The following DGKG variants were observed in gnomAD, a reference collection of about 807,000 sequenced individuals.
DGKG encodes the protein DAG kinase gamma.
A neutral mutation model predicts 105.3 loss-of-function variants in DGKG; 78 were observed. The observed-to-expected ratio is 0.74, with a 90% CI of 0.62 to 0.89. The LOEUF is 0.89. DGKG is among the 40% of genes least tolerant of loss of function. DGKG has a pLI of 0.00. For synonymous variants in DGKG, 346 were observed against 367.1 expected (o/e 0.94, Z 0.66); for missense variants, 958 against 1,020.1 (o/e 0.94, Z 0.83).
Position 186,210,390 on chromosome 3 carries a change from AGAG to A in DGKG, c.1917+1402_1917+1404del, listed in dbSNP as rs1403319006. 6.6e-6 allele frequency among the ~76,000 whole-genome samples: 1 copy of A among 152,172 alleles called. No homozygotes were observed. Among genetic ancestry groups the A allele is most frequent in the Non-Finnish European group, 1.5e-5 (1 of 68,034 alleles). ...CCCAGCACTGCGTTCACACGTCAAGAGAGGAGGACCGGCTTCTCAGACTCCCTG... is the reference window on the plus strand; with the variant it reads ...CCCAGCACTGCGTTCACACGTCAAGAGAGGACCGGCTTCTCAGACTCCCTG... On this transcript the variant is annotated intron_variant, in intron 21 of 24. Transcript: ENST00000265022. The surrounding 1 kb of genome is among the most constrained non-coding windows in gnomAD (Gnocchi z 5.2).
intron 1 of DGKG, among the ~76,000 whole-genome samples, chr3:186,330,182 A>G (rs1725536585): frequency 6.6e-6 from 1 of 152,228 alleles, no homozygotes; most frequent in Non-Finnish European, 1.5e-5. Flanking sequence ...TTACCATAAA[A>G]TATACATCAA....
intron 20 of DGKG, among the ~76,000 whole-genome samples, chr3:186,240,225 G>A (rs881454): frequency 0.14 from 20,533 of 151,884 alleles, 1,436 homozygotes; most frequent in Middle Eastern, 0.22. Context: ...TGGTTCAGGC[G>A]TCTCTGTCAT....
chr3:186,345,721 T>C (rs543264652), intron 1 of DGKG, among the ~76,000 whole-genome samples: 94 of 152,352 alleles, frequency 6.2e-4, no homozygotes, highest in African/African-American at 1.7e-3. Flanking sequence ...GGATTTTTTG[T>C]ATCAATGCAT....
At chr3:186,192,867 TTTA>T (rs1359185176) in intron 21 of DGKG, among the ~76,000 whole-genome samples, 2 of 152,248 alleles carry the variant, frequency 1.3e-5, no homozygotes, top group Non-Finnish European at 2.9e-5. Context: ...AGGTTTGTTT[TTTA>T]AAAAAGTACA....
intron 20 of DGKG, among the ~76,000 whole-genome samples, chr3:186,236,598 T>C (rs1012604535): frequency 1.3e-5 from 2 of 152,250 alleles, no homozygotes; most frequent in African/African-American, 4.8e-5. Context: ...ACTAAGTGCT[T>C]AGTTATTTAC....
At chr3:186,254,100 A>G (rs1467981093) in intron 17 of DGKG, among the ~76,000 whole-genome samples, 2 of 152,182 alleles carry the variant, frequency 1.3e-5, no homozygotes, top group Non-Finnish European at 2.9e-5. Flanking sequence ...CTACCGTGGC[A>G]TATTGTCTAG....
chr3:186,234,166 C>G (rs1247899075), intron 20 of DGKG, among the ~76,000 whole-genome samples: 1 of 152,228 alleles, frequency 6.6e-6, no homozygotes, highest in Non-Finnish European at 1.5e-5. Context: ...CAAAATAACA[C>G]AATTCCTGCT....
chr3:186,265,906 G>A (rs904718995), intron 13 of DGKG, among the ~76,000 whole-genome samples: 5 of 152,136 alleles, frequency 3.3e-5, no homozygotes, highest in African/African-American at 7.2e-5. Flanking sequence ...CCTTGACCTC[G>A]TGATCCGCTG....
At chr3:186,333,922 C>T (rs1351591422) in intron 1 of DGKG, among the ~76,000 whole-genome samples, 2 of 152,110 alleles carry the variant, frequency 1.3e-5, no homozygotes, top group Non-Finnish European at 2.9e-5. Flanking sequence ...AAGTTTGGAA[C>T]GGTGTGTAAA....
chr3:186,299,418 C>A (rs552707219), intron 3 of DGKG, among the ~76,000 whole-genome samples: 113 of 152,330 alleles, frequency 7.4e-4, no homozygotes, highest in Non-Finnish European at 1.4e-3. Context: ...CCTCCCCACC[C>A]CACTGAGGGG....
At chr3:186,262,645 G>A (rs1721830801) in intron 14 of DGKG, among the ~76,000 whole-genome samples, 1 of 152,196 alleles carries the variant, frequency 6.6e-6, no homozygotes, top group African/African-American at 2.4e-5. Context: ...GGCCTTTTCA[G>A]TCTAGCCCTA....
At chr3:186,359,575 C>T (rs1000591371) in intron 1 of DGKG, among the ~76,000 whole-genome samples, 3 of 151,992 alleles carry the variant, frequency 2.0e-5, no homozygotes, top group African/African-American at 7.3e-5. Flanking sequence ...GTCTTAGAAC[C>T]CTAGAAAAAT....
At chr3:186,299,598 T>G (rs1723771643) in intron 3 of DGKG, among the ~76,000 whole-genome samples, 1 of 152,036 alleles carries the variant, frequency 6.6e-6, no homozygotes, top group African/African-American at 2.4e-5. Flanking sequence ...TCTGTTCCTT[T>G]TCTGTCCCCG....
intron 1 of DGKG, among the ~76,000 whole-genome samples, chr3:186,322,156 C>A (rs1445024935): frequency 6.6e-6 from 1 of 152,114 alleles, no homozygotes; most frequent in East Asian, 1.9e-4. Flanking sequence ...GTTTCCACAG[C>A]AAAGATATAG....
Position 186,149,180 on chromosome 3 carries a change from C to T in DGKG, c.*910G>A. ...CTTCAGGAATAGTCTGCCACCAGGGCTTGGAACTCAAACAGGAAACACGCT... is the reference window on the plus strand; with the variant it reads ...CTTCAGGAATAGTCTGCCACCAGGGTTTGGAACTCAAACAGGAAACACGCT... On this transcript the variant is annotated 3_prime_UTR_variant, in exon 25 of 25. Transcript: ENST00000265022. 1 of 984,724 alleles carries T rather than the reference C, an allele frequency of 1.0e-6. No individual in the cohort carries two copies. The highest frequency in any genetic ancestry group is 1.2e-6 in the Non-Finnish European group (1 of 829,724). The allele number at this position is 984,724 out of a possible 1,614,324, so 61.0% of individuals were successfully genotyped here.
chr3:186,320,270 T>C (rs771303247), intron 2 of DGKG, 123 bp downstream of exon 2: 11 of 1,142,146 alleles, frequency 9.6e-6, no homozygotes, highest in Non-Finnish European at 1.4e-5. Flanking sequence ...TAAGGAAATA[T>C]AAGCCGTCAG....
At position 186,220,371 on chromosome 3, in the gene DGKG, C is replaced by T. The variant is rs1490569126; in HGVS notation, c.1827-8486G>A. On this transcript the variant is annotated intron_variant, in intron 20 of 24. Coordinates refer to ENST00000265022, the MANE Select transcript of DGKG (RefSeq NM_001346.3). ...CTTCTAAGCCATGGCAGCCTTCTCA[C>T]GGTACAGCTTAGGAAACCGAGATCA... Among the ~76,000 whole-genome samples, 7 of 152,152 alleles carry T rather than the reference C, an allele frequency of 4.6e-5. No individual in the cohort carries two copies. In the South Asian group the frequency reaches 1.2e-3, roughly 27 times the overall value.
rs1251385070 is a variant in DGKG at position 186,210,730 on chromosome 3, T to C, written c.1917+1065A>G. ...AGGCCCAGGCCCCACTGGACTGCAG[T>C]GCGGGCTTAGAGGCCAAGCTGGTGG... On this transcript the variant is annotated intron_variant, in intron 21 of 24. Coordinates refer to ENST00000265022, the MANE Select transcript of DGKG (RefSeq NM_001346.3). The surrounding 1 kb of genome is among the most constrained non-coding windows in gnomAD (Gnocchi z 5.2). 5 of 389,868 alleles carry C rather than the reference T, an allele frequency of 1.3e-5. No individual in the cohort carries two copies. The East Asian group carries it at 2.5e-4, about 19-fold the overall frequency. 24.2% of individuals were successfully genotyped at this position (389,868 alleles called of 1,614,324 possible). A position where few individuals can be genotyped will look rare whatever the true frequency, so the allele number is the denominator to read the frequency against.
intron 9 of DGKG, among the ~76,000 whole-genome samples, chr3:186,275,897 A>G (rs1722558862): frequency 6.6e-6 from 1 of 152,238 alleles, no homozygotes; most frequent in African/African-American, 2.4e-5. Context: ...GGGATAAAAT[A>G]AATCCTCTCC....
Sources: allele counts gnomAD v4.1 joint callset (sites outside exome capture counted in the v4.1 genomes callset), GRCh38; gene constraint gnomAD v4.1.1; non-coding constraint Gnocchi (gnomAD v3.1); transcripts MANE v1.5; gene names NCBI Gene and HGNC (gene_info 2026-07-23, HGNC 2026-07-21).